Variants in ATP8A2 observed in about 807,000 individuals in gnomAD.
ATP8A2 encodes the protein ATPase phospholipid transporting 8A2, also known as phospholipid-transporting ATPase IB.
Under a neutral mutation model 165.6 loss-of-function variants are expected in ATP8A2, and 100 were observed. That is an observed-to-expected ratio of 0.60 (90% CI 0.51 to 0.71). ATP8A2 has a LOEUF of 0.71. Among genes scored for constraint, ATP8A2 ranks in the 30% least tolerant of loss-of-function variants. The pLI is 0.00. For synonymous variants in ATP8A2, 543 were observed against 548.8 expected, an observed-to-expected ratio of 0.99 and a Z score of 0.15; for missense variants, 1,227 against 1,479.5, an observed-to-expected ratio of 0.83 and a Z score of 2.80.
In ATP8A2 at chr13:25,553,854, T is replaced by A. The variant is rs745948160; in HGVS notation, c.1119T>A (p.Leu373=). Residue 373 remains leucine (L), a synonymous_variant, in exon 12 of 37, where the codon CTT becomes CTA. Coordinates refer to ENST00000381655, the MANE Select transcript of ATP8A2 (RefSeq NM_016529.6). ...LLTFIILYNN[L]IPISLLVTLE... ...CGTTCATCATCTTATACAACAATCT[T>A]ATTCCCATCAGTCTGTTGGTGACTC... The A allele has an allele frequency of 3.7e-6, 6 of 1,612,926 alleles. No individual in the cohort carries two copies. The highest frequency in any genetic ancestry group is 4.2e-6 in the Non-Finnish European group (5 of 1,178,968).
chr13:26,004,212 T>A, intron 35 of ATP8A2, among the ~76,000 whole-genome samples: 1 of 152,104 alleles, frequency 6.6e-6, no homozygotes, highest in Non-Finnish European at 1.5e-5. Flanking sequence ...TGTAGTTTTC[T>A]CTATATAGTC....
intron 24 of ATP8A2, among the ~76,000 whole-genome samples, chr13:25,611,746 T>C (rs1320005343): frequency 2.6e-5 from 4 of 152,192 alleles, no homozygotes; most frequent in Non-Finnish European, 5.9e-5. Flanking sequence ...AGAATTCAGC[T>C]GTGAATATAT....
intron 25 of ATP8A2, among the ~76,000 whole-genome samples, chr13:25,701,760 A>G (rs1488982993): frequency 1.4e-5 from 2 of 143,336 alleles, no homozygotes; most frequent in South Asian, 2.1e-4. Context: ...ACACACACAC[A>G]CACACACTTT....
At chr13:25,782,563 C>T (rs1241635936) in intron 27 of ATP8A2, among the ~76,000 whole-genome samples, 1 of 152,094 alleles carries the variant, frequency 6.6e-6, no homozygotes, top group Non-Finnish European at 1.5e-5. Flanking sequence ...TACACCCTCC[C>T]CACCTTCAGA....
rs535260940 is a variant in ATP8A2, at chr13:26,012,427, G to A, written c.3378-104G>A. 25 of 880,804 alleles carry A rather than the reference G, an allele frequency of 2.8e-5. No individual in the cohort carries two copies. In the African/African-American group the frequency reaches 3.2e-4, roughly 11 times the overall value. 54.6% of individuals were successfully genotyped at this position (880,804 alleles called of 1,614,324 possible). On this transcript the variant is annotated intron_variant, in intron 35 of 36. Coordinates refer to ENST00000381655, the MANE Select transcript of ATP8A2 (RefSeq NM_016529.6). The stretch of plus-strand genomic sequence containing the variant: ...GGTGAAGCACCACGCCTTACCCGAC[G>A]TGGGGAGGTGATCCCCCACCTCATC...
At chr13:25,742,658 T>C (rs1438468163) in intron 25 of ATP8A2, among the ~76,000 whole-genome samples, 1 of 89,404 alleles carries the variant, frequency 1.1e-5, no homozygotes, top group Admixed American at 1.0e-4. Flanking sequence ...TCCACTTTTC[T>C]CTCTCTCTCT....
At chr13:25,384,998 T>A (rs1428759428) in intron 1 of ATP8A2, among the ~76,000 whole-genome samples, 1 of 152,220 alleles carries the variant, frequency 6.6e-6, no homozygotes, top group East Asian at 1.9e-4. Context: ...TATTGCTCAA[T>A]GTTTCTTCCA....
chr13:25,753,384 T>C (rs1273763191), intron 25 of ATP8A2, among the ~76,000 whole-genome samples: 1 of 152,200 alleles, frequency 6.6e-6, no homozygotes, highest in Non-Finnish European at 1.5e-5. Context: ...CGCTCTGGCT[T>C]GTGTGGTTAT....
At chr13:25,871,756 C>G (rs946178216) in intron 33 of ATP8A2, among the ~76,000 whole-genome samples, 5 of 152,060 alleles carry the variant, frequency 3.3e-5, no homozygotes. Context: ...CTTTGATTAG[C>G]CAGCTGTCAT....
At chr13:25,815,874 A>G (rs1951004499) in intron 27 of ATP8A2, among the ~76,000 whole-genome samples, 2 of 152,250 alleles carry the variant, frequency 1.3e-5, no homozygotes. Flanking sequence ...TGAAGTCCTA[A>G]TACATGCTAC....
chr13:25,626,475 C>T (rs947898674), intron 24 of ATP8A2, among the ~76,000 whole-genome samples: 3 of 152,102 alleles, frequency 2.0e-5, no homozygotes, highest in Non-Finnish European at 2.9e-5. Flanking sequence ...CTAATTACCT[C>T]CTGAAGCCTC....
intron 27 of ATP8A2, among the ~76,000 whole-genome samples, chr13:25,818,674 A>C (rs1306986128): frequency 6.6e-6 from 1 of 152,184 alleles, no homozygotes; most frequent in Non-Finnish European, 1.5e-5. Flanking sequence ...AAATAACAGA[A>C]ATGACTGTTC....
chr13:25,878,779 C>G (rs1030554022), intron 33 of ATP8A2, among the ~76,000 whole-genome samples: 2 of 152,076 alleles, frequency 1.3e-5, no homozygotes, highest in African/African-American at 4.8e-5. Flanking sequence ...AAGCACAGTT[C>G]CTGCCTTCCC....
chr13:25,487,837 CTCTT>C (rs761543043), intron 2 of ATP8A2, among the ~76,000 whole-genome samples: 52 of 151,958 alleles, frequency 3.4e-4, no homozygotes, highest in Middle Eastern at 3.4e-3. Flanking sequence ...TAATCTTTCT[CTCTT>C]TCTTTCTTTT....
intron 8 of ATP8A2, 92 bp downstream of exon 8, chr13:25,540,480 A>G: frequency 1.1e-6 from 1 of 939,528 alleles, no homozygotes; most frequent in Non-Finnish European, 1.7e-6. Flanking sequence ...TAAAATATTC[A>G]GCCACAAAGG....
chr13:25,530,573 T>A lies in ATP8A2; in HGVS notation c.333T>A (p.Asp111Glu). Reference sequence around the variant, plus strand: ...CTCTTATCTTCCAGCAAATTCCAGATGTATCTCCAACAGGAAGATATACCA... The same window carrying A: ...CTCTTATCTTCCAGCAAATTCCAGAAGTATCTCCAACAGGAAGATATACCA... ...LFIALLQQIP[D>E]VSPTGRYTTL... The change falls in exon 4 of 37, where the codon GAT (aspartate) becomes GAA (glutamate). Residue 111 changes from aspartate (D) to glutamate (E), a missense_variant. By Grantham distance (45) the Asp-to-Glu change is conservative. Coordinates refer to ENST00000381655, the MANE Select transcript of ATP8A2 (RefSeq NM_016529.6). The A allele has an allele frequency of 1.3e-6, 2 of 1,576,638 alleles. No homozygotes were observed. Among genetic ancestry groups the A allele is most frequent in the South Asian group, 1.2e-5 (1 of 86,870 alleles).
intron 2 of ATP8A2, among the ~76,000 whole-genome samples, chr13:25,486,469 G>A (rs2036356142): frequency 6.6e-6 from 1 of 152,094 alleles, no homozygotes. Context: ...TTTATTATGT[G>A]CCATTTTTTT....
chr13:25,564,021 A>G lies in ATP8A2; in HGVS notation c.1463A>G (p.Glu488Gly), dbSNP rs746510932. ...FDDPRLLKNI[E>G]DRHPTAPCIQ... ...GACCCCAGGCTGTTGAAGAACATTG[A>G]GGATCGCCATGTAAGTGCTCTGTTT... Residue 488 changes from glutamate to glycine, a missense_variant, in exon 16 of 37, where the codon GAG becomes GGG. Physicochemically the swap from Glu to Gly is moderately conservative, Grantham distance 98. This residue lies in a region of ATP8A2 where 592 missense variants were observed against 785.6 expected (regional missense o/e 0.75). Coordinates refer to ENST00000381655, the MANE Select transcript of ATP8A2 (RefSeq NM_016529.6). 1 of 1,611,980 alleles carries G rather than the reference A, an allele frequency of 6.2e-7. No individual in the cohort carries two copies. Among genetic ancestry groups the G allele is most frequent in the Admixed American group, 1.7e-5 (1 of 60,012 alleles).
At chr13:26,018,653 T>G (rs1348890599) in intron 36 of ATP8A2, among the ~76,000 whole-genome samples, 1 of 152,194 alleles carries the variant, frequency 6.6e-6, no homozygotes, top group Non-Finnish European at 1.5e-5. Flanking sequence ...TAAATGTCTT[T>G]CTGTGGGAAG....
Sources: gnomAD v4.1 joint callset for allele counts (sites outside exome capture counted in the v4.1 genomes callset) on GRCh38, gnomAD v4.1.1 for gene constraint, gnomAD v4.1.1 regional missense constraint, MANE v1.5 for transcripts, NCBI Gene and HGNC (gene_info 2026-07-23, HGNC 2026-07-21) for gene names.